The following FOXP2 variants were observed in gnomAD, a reference collection of about 807,000 sequenced individuals.
FOXP2 encodes the protein forkhead box protein P2.
In FOXP2, 12 loss-of-function variants were observed where a neutral mutation model predicts 115.8. That is an observed-to-expected ratio of 0.10 (90% confidence interval 0.07 to 0.17). The LOEUF is 0.17. Among genes scored for constraint, FOXP2 ranks in the 10% least tolerant of loss-of-function variants. The probability of loss-of-function intolerance (pLI) is 1.00; values close to 1 mark genes in which losing one functional copy is unlikely to be tolerated. For synonymous variants in FOXP2, 328 were observed against 297.7 expected, an observed-to-expected ratio of 1.10 and a Z score of -1.05; for missense variants, 629 against 843.5, an observed-to-expected ratio of 0.75 and a Z score of 3.15.
At chr7:114,386,017 C>T (rs1326915315) in intron 2 of FOXP2, among the ~76,000 whole-genome samples, 4 of 152,214 alleles carry the variant, frequency 2.6e-5, no homozygotes, top group African/African-American at 9.6e-5. Context: ...TCGATTAGGA[C>T]GAACCCAGGC....
chr7:114,357,145 G>A (rs560968559), intron 2 of FOXP2, among the ~76,000 whole-genome samples: 110 of 152,176 alleles, frequency 7.2e-4, no homozygotes, highest in Non-Finnish European at 1.3e-3. Context: ...TGAAAACCCT[G>A]ATAAAGGATT....
At chr7:114,305,540 C>G (rs1006749452) in intron 2 of FOXP2, among the ~76,000 whole-genome samples, 2 of 152,082 alleles carry the variant, frequency 1.3e-5, no homozygotes, top group Non-Finnish European at 2.9e-5. Context: ...ATATGATTCT[C>G]AATATTCAGT....
At chr7:114,553,106 C>G (rs566838029) in intron 3 of FOXP2, among the ~76,000 whole-genome samples, 4 of 151,796 alleles carry the variant, frequency 2.6e-5, no homozygotes, top group Non-Finnish European at 5.9e-5. Flanking sequence ...TAGGAAAAAC[C>G]CTTGATCCTA....
intron 1 of FOXP2, among the ~76,000 whole-genome samples, chr7:114,266,036 C>G (rs547272374): frequency 6.6e-6 from 1 of 151,780 alleles, no homozygotes; most frequent in African/African-American, 2.4e-5. Flanking sequence ...GCCCTAGTAG[C>G]TTTTTGTCCA....
At chr7:114,342,400 A>C (rs1791240012) in intron 2 of FOXP2, among the ~76,000 whole-genome samples, 1 of 151,454 alleles carries the variant, frequency 6.6e-6, no homozygotes, top group Non-Finnish European at 1.5e-5. Flanking sequence ...AGCCTATCAT[A>C]TCTTAATTCC....
At chr7:114,224,160 G>C (rs1273721362) in intron 1 of FOXP2, among the ~76,000 whole-genome samples, 4 of 151,788 alleles carry the variant, frequency 2.6e-5, no homozygotes, top group African/African-American at 9.7e-5. Flanking sequence ...TCTTCTATTG[G>C]TAAATTAGTC....
At chr7:114,510,145 T>G (rs1344641904) in intron 2 of FOXP2, among the ~76,000 whole-genome samples, 1 of 152,182 alleles carries the variant, frequency 6.6e-6, no homozygotes, top group Admixed American at 6.6e-5. Flanking sequence ...CATGTTGCTA[T>G]ATCCTATTTT....
chr7:114,687,790 T>G (rs886827239), intron 16 of FOXP2, among the ~76,000 whole-genome samples: 3 of 152,144 alleles, frequency 2.0e-5, no homozygotes, highest in African/African-American at 7.2e-5. Context: ...CAAAATAAAT[T>G]TACATCCCTA....
intron 2 of FOXP2, among the ~76,000 whole-genome samples, chr7:114,300,548 A>G (rs1796854253): frequency 6.6e-6 from 1 of 152,028 alleles, no homozygotes; most frequent in Non-Finnish European, 1.5e-5. Context: ...AATAAAATAG[A>G]AAAAGTTCTT....
upstream of FOXP2, among the ~76,000 whole-genome samples, chr7:114,413,972 T>C (rs1793238600): frequency 1.3e-5 from 2 of 152,132 alleles, no homozygotes; most frequent in African/African-American, 4.8e-5. Context: ...CAAGTTGTCT[T>C]GCCCAGAGTT....
At chr7:114,158,071 T>G (rs967091804), upstream of FOXP2, among the ~76,000 whole-genome samples, 14 of 152,134 alleles carry the variant, frequency 9.2e-5, no homozygotes, top group African/African-American at 3.4e-4. Context: ...CAAGTGAAGA[T>G]ACTTAAGAGT....
intron 2 of FOXP2, among the ~76,000 whole-genome samples, chr7:114,488,022 A>C (rs1796871442): frequency 6.6e-6 from 1 of 152,134 alleles, no homozygotes; most frequent in Non-Finnish European, 1.5e-5. Flanking sequence ...CATGCTGCTA[A>C]TCAAGACATA....
chr7:114,434,874 A>T (rs1450185896), intron 2 of FOXP2, among the ~76,000 whole-genome samples: 1 of 152,166 alleles, frequency 6.6e-6, no homozygotes, highest in Non-Finnish European at 1.5e-5. Flanking sequence ...TACAAAGGCC[A>T]TTCTTTCCAA....
chr7:114,373,189 G>A (rs991285324), intron 2 of FOXP2, among the ~76,000 whole-genome samples: 2 of 151,944 alleles, frequency 1.3e-5, no homozygotes, highest in Non-Finnish European at 2.9e-5. Flanking sequence ...GTTTTGTTTT[G>A]TTTTGTATTT....
In FOXP2 at chr7:114,572,788, C is replaced by G. The variant is rs1238657213; in HGVS notation, c.258+38082C>G. Among the ~76,000 whole-genome samples, 3 of 151,778 alleles carry G rather than the reference C, an allele frequency of 2.0e-5. No homozygotes were observed. In the East Asian group the frequency reaches 5.8e-4, roughly 29 times the overall value. On this transcript the variant is annotated intron_variant, in intron 3 of 16. Transcript: ENST00000350908. ...CTGATGAGAGAAAAGAAATCTATAG[C>G]ATCAAAAGTTTATATTTTCACTGAC...
At chr7:114,398,929 T>C (rs973452069) in intron 2 of FOXP2, among the ~76,000 whole-genome samples, 2 of 152,206 alleles carry the variant, frequency 1.3e-5, no homozygotes, top group Non-Finnish European at 2.9e-5. Flanking sequence ...CATATGTTTG[T>C]AGTTGCTGGT....
At chr7:114,534,820 G>A in intron 3 of FOXP2, 114 bp downstream of exon 3, 3 of 785,558 alleles carry the variant, frequency 3.8e-6, no homozygotes, top group Non-Finnish European at 6.6e-6. Flanking sequence ...GCATATGTAG[G>A]TAATTTTAAT....
At chr7:114,583,549 T>C (rs1359827978) in intron 3 of FOXP2, among the ~76,000 whole-genome samples, 1 of 152,180 alleles carries the variant, frequency 6.6e-6, no homozygotes. Flanking sequence ...TCAACATTTT[T>C]CCCTGTAAGC....
chr7:114,329,729 G>T (rs1387822386), intron 2 of FOXP2, among the ~76,000 whole-genome samples: 2 of 150,946 alleles, frequency 1.3e-5, no homozygotes, highest in Non-Finnish European at 3.0e-5. Flanking sequence ...CAGGCTGGAG[G>T]GCAGTGGCGC....
Sources: allele counts gnomAD v4.1 joint callset (sites outside exome capture counted in the v4.1 genomes callset), GRCh38; gene constraint gnomAD v4.1.1; transcripts MANE v1.5; gene names NCBI Gene and HGNC (gene_info 2026-07-23, HGNC 2026-07-21).